Variants in ADAMTS20 observed in about 807,000 individuals in gnomAD.
The protein encoded by ADAMTS20 is ADAM metallopeptidase with thrombospondin type 1 motif 20, also known as A disintegrin and metalloproteinase with thrombospondin motifs 20.
In ADAMTS20, 225 loss-of-function variants were observed where a neutral mutation model predicts 260.1. The observed-to-expected ratio is 0.87, with a 90% CI of 0.78 to 0.97. The LOEUF is 0.97. ADAMTS20 is among the 50% of genes least tolerant of loss of function. The probability of loss-of-function intolerance (pLI) is 0.00; values close to 1 mark genes in which losing one functional copy is unlikely to be tolerated. For missense variants in ADAMTS20, 2,400 were observed against 2,337.7 expected (o/e 1.03, Z -0.55); for synonymous variants, 802 against 769.5 (o/e 1.04, Z -0.70).
intron 3 of ADAMTS20, among the ~76,000 whole-genome samples, chr12:43,504,531 ACTAAAATATC>A (rs1417973455): frequency 6.6e-6 from 1 of 152,184 alleles, no homozygotes; most frequent in African/African-American, 2.4e-5. Flanking sequence ...TGACTTGGTC[ACTAAAATATC>A]CATGACCAAT....
chr12:43,427,363 A>T lies in ADAMTS20; in HGVS notation c.4052T>A (p.Leu1351Ter). Residue 1351 changes from leucine to a stop codon, truncating the protein, a stop_gained, in exon 27 of 39, where the codon TTA (leucine) becomes TAA (stop). Transcript: ENST00000389420. LOFTEE classifies it high-confidence loss of function. ...ACAAGGCCCTGGACCACATTGCTGT[A>T]ACTCTGGAGGCTTGGAGGCTGCATC... ...YCDAASKPPE[L>*]QQCGPGPCPQ... 2.5e-6 allele frequency: 4 copies of T among 1,613,908 alleles called. No individual in the cohort carries two copies. The highest frequency in any genetic ancestry group is 3.4e-6 in the Non-Finnish European group (4 of 1,179,854).
At chr12:43,485,224 C>A (rs1381133270) in intron 7 of ADAMTS20, among the ~76,000 whole-genome samples, 3 of 151,788 alleles carry the variant, frequency 2.0e-5, no homozygotes, top group African/African-American at 7.3e-5. Context: ...ACATAATTCA[C>A]CATGATCAAA....
chr12:43,393,419 T>C (rs1940637096), intron 29 of ADAMTS20, among the ~76,000 whole-genome samples: 1 of 151,936 alleles, frequency 6.6e-6, no homozygotes, highest in Admixed American at 6.6e-5. Context: ...TATGAAAAAA[T>C]ATAACACTGC....
At chr12:43,527,077 T>C (rs954486395) in intron 3 of ADAMTS20, among the ~76,000 whole-genome samples, 2 of 152,092 alleles carry the variant, frequency 1.3e-5, no homozygotes, top group Non-Finnish European at 2.9e-5. Context: ...GCACACAAAC[T>C]AGAAAGCCCA....
In ADAMTS20 at chr12:43,384,687, T is replaced by G. The variant is rs187677121; in HGVS notation, c.4453-710A>C. Among the ~76,000 whole-genome samples, 69 of 152,274 alleles carry G rather than the reference T, an allele frequency of 4.5e-4. No individual in the cohort carries two copies. In the East Asian group the frequency reaches 0.013, roughly 28 times the overall value. On this transcript the variant is annotated intron_variant, in intron 29 of 38. Transcript: ENST00000389420. Reference sequence around the variant, plus strand: ...GTTCTCATTGTTCAACTCCCACTTATGAGTGAGAACATGCGGTGTTTGGTT... The same window carrying G: ...GTTCTCATTGTTCAACTCCCACTTAGGAGTGAGAACATGCGGTGTTTGGTT...
intron 29 of ADAMTS20, among the ~76,000 whole-genome samples, chr12:43,392,008 A>G (rs1449612478): frequency 6.6e-6 from 1 of 152,198 alleles, no homozygotes; most frequent in East Asian, 1.9e-4. Flanking sequence ...ATAAAATCTT[A>G]TGCACATCTA....
chr12:43,470,674 G>A (rs1250893949), intron 7 of ADAMTS20, among the ~76,000 whole-genome samples: 1 of 152,158 alleles, frequency 6.6e-6, no homozygotes, highest in African/African-American at 2.4e-5. Flanking sequence ...CCATCCTGAA[G>A]AATGAAAATC....
chr12:43,517,489 G>A (rs942904738), intron 3 of ADAMTS20, among the ~76,000 whole-genome samples: 6 of 151,882 alleles, frequency 4.0e-5, no homozygotes, highest in African/African-American at 1.4e-4. Flanking sequence ...GAAAACTAAC[G>A]AAAGATGTGA....
intron 18 of ADAMTS20, among the ~76,000 whole-genome samples, chr12:43,436,380 A>G (rs942093892): frequency 4.6e-5 from 7 of 152,206 alleles, no homozygotes; most frequent in South Asian, 2.1e-4. Flanking sequence ...GCACTATCCA[A>G]TGAAAACAGA....
intron 2 of ADAMTS20, among the ~76,000 whole-genome samples, chr12:43,540,545 AATTAAAAT>A (rs1400231690): frequency 6.6e-6 from 1 of 152,194 alleles, no homozygotes; most frequent in Non-Finnish European, 1.5e-5. Context: ...TTGTTCAAAT[AATTAAAAT>A]ATTAGAGCTT....
At position 43,428,534 on chromosome 12, in the gene ADAMTS20, G is replaced by GT; in HGVS notation, c.3655-4_3655-3insA. 6 of 1,605,880 alleles carry GT rather than the reference G, an allele frequency of 3.7e-6. No homozygotes were observed. The highest frequency in any genetic ancestry group is 5.1e-6 in the Non-Finnish European group (6 of 1,175,494). On this transcript the variant is annotated splice_region_variant and splice_polypyrimidine_tract_variant and intron_variant, in intron 25 of 38. Transcript: ENST00000389420. ...CCATGGCCACAGGAAGCTGAACACT[G>GT]ATCAAAAATTTAGCCAATGGTAATA...
intron 2 of ADAMTS20, among the ~76,000 whole-genome samples, chr12:43,546,499 C>A (rs1432770108): frequency 6.6e-6 from 1 of 152,098 alleles, no homozygotes; most frequent in Non-Finnish European, 1.5e-5. Flanking sequence ...CTACCAGAAG[C>A]ATGAGGAATT....
In ADAMTS20 at chr12:43,551,633, G is replaced by C. The variant is rs865839417; in HGVS notation, c.91+198C>G. The stretch of plus-strand genomic sequence containing the variant: ...CCCCGCCGTGTGGTCCTGGGAGTGC[G>C]ATGCGTCTTAGGCGCGCGCGATTCC... On this transcript the variant is annotated intron_variant, in intron 1 of 38. Coordinates refer to ENST00000389420, the MANE Select transcript of ADAMTS20 (RefSeq NM_025003.5). The surrounding 1 kb of genome is among the most constrained non-coding windows in gnomAD (Gnocchi z 4.6). Among the ~76,000 whole-genome samples, 35 of 152,256 alleles carry C rather than the reference G, an allele frequency of 2.3e-4. No homozygotes were observed. Among genetic ancestry groups the C allele is most frequent in the Middle Eastern group, 6.8e-3 (2 of 294 alleles).
intron 29 of ADAMTS20, among the ~76,000 whole-genome samples, chr12:43,396,828 A>G (rs1170717340): frequency 1.3e-5 from 2 of 152,276 alleles, no homozygotes; most frequent in Non-Finnish European, 2.9e-5. Context: ...AGTGTCTCTC[A>G]TGAATACCAA....
rs1330127874 is a variant in ADAMTS20 at position 43,551,991 on chromosome 12, C to G, written c.-70G>C. 7.5e-7 allele frequency: 1 copy of G among 1,325,090 alleles called. No homozygotes were observed. The highest frequency in any genetic ancestry group is 1.1e-6 in the Non-Finnish European group (1 of 926,100). 82.1% of individuals were successfully genotyped at this position (1,325,090 alleles called of 1,614,324 possible). A position where few individuals can be genotyped will look rare whatever the true frequency, so the allele number is the denominator to read the frequency against. ...CCGGCAGCCAAGCCGGCTTCCCTCG[C>G]GCTCCGATCCCTCTCCTCCCTCTCG... On this transcript the variant is annotated 5_prime_UTR_variant, in exon 1 of 39. Transcript: ENST00000389420. The surrounding 1 kb of genome is among the most constrained non-coding windows in gnomAD (Gnocchi z 4.6).
chr12:43,482,068 G>A (rs1331116925), intron 7 of ADAMTS20, among the ~76,000 whole-genome samples: 2 of 151,948 alleles, frequency 1.3e-5, no homozygotes, highest in Admixed American at 1.3e-4. Context: ...GAGCAGCGGG[G>A]AATATATGAG....
intron 31 of ADAMTS20, among the ~76,000 whole-genome samples, chr12:43,378,400 A>C (rs1371213564): frequency 1.3e-5 from 2 of 152,228 alleles, no homozygotes; most frequent in African/African-American, 4.8e-5. Context: ...TCTAATGATC[A>C]CACAGAACCA....
chr12:43,441,148 C>A (rs1052596038), intron 16 of ADAMTS20, among the ~76,000 whole-genome samples: 1 of 151,898 alleles, frequency 6.6e-6, no homozygotes, highest in Non-Finnish European at 1.5e-5. Context: ...ATACAAACGT[C>A]TAGATCTTCT....
At chr12:43,484,934 C>T (rs1016780999) in intron 7 of ADAMTS20, among the ~76,000 whole-genome samples, 1 of 151,878 alleles carries the variant, frequency 6.6e-6, no homozygotes, top group Non-Finnish European at 1.5e-5. Flanking sequence ...AGGAAAGAAC[C>T]TCAGGGCCAG....
Sources: gnomAD v4.1 joint callset for allele counts (sites outside exome capture counted in the v4.1 genomes callset) on GRCh38, gnomAD v4.1.1 for gene constraint, Gnocchi (gnomAD v3.1) non-coding constraint, MANE v1.5 for transcripts, NCBI Gene and HGNC (gene_info 2026-07-23, HGNC 2026-07-21) for gene names.